MGST2: variants seen among roughly 807,000 people sequenced by gnomAD.
The protein encoded by MGST2 is glutathione peroxidase MGST2.
A neutral mutation model predicts 16.6 loss-of-function variants in MGST2; 9 were observed. The observed-to-expected ratio is 0.54, with a 90% CI of 0.33 to 0.95. The LOEUF (loss-of-function observed/expected upper bound fraction) is 0.95. Among genes scored for constraint, MGST2 ranks in the 40% least tolerant of loss-of-function variants. MGST2 has a pLI of 0.03. For synonymous variants in MGST2, 79 were observed against 68.0 expected (o/e 1.16, Z -0.79); for missense variants, 159 against 175.1 (o/e 0.91, Z 0.52).
intron 3 of MGST2, among the ~76,000 whole-genome samples, chr4:139,699,619 C>T (rs950126184): frequency 2.6e-5 from 4 of 152,158 alleles, no homozygotes; most frequent in African/African-American, 9.7e-5. Context: ...CTGCACAATC[C>T]AATATATTTA....
intron 1 of MGST2, among the ~76,000 whole-genome samples, chr4:139,677,176 A>C (rs7667009): frequency 0.076 from 11,539 of 152,210 alleles, 956 homozygotes; most frequent in African/African-American, 0.21. Context: ...AATATCTGAT[A>C]GGTCTCAACC....
At chr4:139,675,895 G>A (rs1730933511) in intron 1 of MGST2, among the ~76,000 whole-genome samples, 2 of 152,184 alleles carry the variant, frequency 1.3e-5, no homozygotes, top group African/African-American at 4.8e-5. Context: ...TTCCGGAGAT[G>A]TATAGAGGTA....
chr4:139,744,051 T>C (rs529851700), downstream of MGST2, among the ~76,000 whole-genome samples: 7 of 152,358 alleles, frequency 4.6e-5, no homozygotes, highest in South Asian at 1.2e-3. Context: ...CAGAGGTTTC[T>C]TGGGGACACA....
Position 139,721,851 on chromosome 4 carries a change from C to A in MGST2, c.*48+17655C>A, listed in dbSNP as rs529254465. 2.0e-5 allele frequency among the ~76,000 whole-genome samples: 3 copies of A among 152,238 alleles called. No individual in the cohort carries two copies. In the East Asian group the frequency reaches 5.8e-4, roughly 29 times the overall value. On this transcript the variant is annotated intron_variant, in intron 5 of 5. Transcript: ENST00000616265. ...AAACACTGGAAGGTAGTATATACTGCAACTTGTAATATTGTCATGCAGTTT... is the reference window on the plus strand; with the variant it reads ...AAACACTGGAAGGTAGTATATACTGAAACTTGTAATATTGTCATGCAGTTT...
chr4:139,719,301 T>A (rs764015827), intron 5 of MGST2: 2 of 1,541,254 alleles, frequency 1.3e-6, no homozygotes, highest in African/African-American at 2.8e-5. Context: ...ACTCGAGTTG[T>A]GGATCTTGGG....
the MGST2 span, among the ~76,000 whole-genome samples, chr4:139,750,662 A>T: frequency 6.6e-6 from 1 of 152,224 alleles, no homozygotes; most frequent in Non-Finnish European, 1.5e-5. Flanking sequence ...TGATAAAAAT[A>T]TAAATTTAAA....
chr4:139,678,452 G>A, intron 1 of MGST2, 91 bp from the exon 2 acceptor site: 1 of 883,550 alleles, frequency 1.1e-6, no homozygotes. Context: ...TAATAGGTAT[G>A]TAGTACTATC....
At chr4:139,693,502 T>A (rs1454639724) in intron 2 of MGST2, among the ~76,000 whole-genome samples, 3 of 152,062 alleles carry the variant, frequency 2.0e-5, no homozygotes, top group African/African-American at 7.2e-5. Context: ...AACAGGCCTA[T>A]GGATTTAGCC....
At chr4:139,734,393 C>T (rs548563383) in intron 5 of MGST2, among the ~76,000 whole-genome samples, 2 of 152,280 alleles carry the variant, frequency 1.3e-5, no homozygotes, top group African/African-American at 2.4e-5. Flanking sequence ...TTCTCCAATC[C>T]ACTCCTTGCC....
At chr4:139,751,048 G>A in the MGST2 span, among the ~76,000 whole-genome samples, 1 of 152,186 alleles carries the variant, frequency 6.6e-6, no homozygotes, top group African/African-American at 2.4e-5. Context: ...AAGGTCAGTC[G>A]TCCGTCTTCA....
chr4:139,682,256 A>G (rs1246093041), intron 2 of MGST2, among the ~76,000 whole-genome samples: 1 of 146,994 alleles, frequency 6.8e-6, no homozygotes. Context: ...AAAAAAAAAA[A>G]CAAAAACAGA....
At chr4:139,747,759 G>T in the MGST2 span, among the ~76,000 whole-genome samples, 1 of 151,548 alleles carries the variant, frequency 6.6e-6, no homozygotes, top group African/African-American at 2.4e-5. Context: ...AGAGTAATAA[G>T]AATGCATATA....
intron 5 of MGST2, among the ~76,000 whole-genome samples, chr4:139,726,456 T>G (rs1454113342): frequency 6.6e-6 from 1 of 152,194 alleles, no homozygotes; most frequent in African/African-American, 2.4e-5. Flanking sequence ...ACTTGCTGGC[T>G]CATGAGGAAT....
At chr4:139,732,830 T>G (rs1728779953) in intron 5 of MGST2, among the ~76,000 whole-genome samples, 1 of 152,204 alleles carries the variant, frequency 6.6e-6, no homozygotes, top group Non-Finnish European at 1.5e-5. Flanking sequence ...ATAAGTGTAC[T>G]GCGTTCTATT....
chr4:139,668,613 G>GAC (rs759263314), intron 1 of MGST2, among the ~76,000 whole-genome samples: 30 of 143,214 alleles, frequency 2.1e-4, no homozygotes, highest in South Asian at 6.7e-4. Flanking sequence ...GAGAGAGAGA[G>GAC]AGGAGGGGGA....
intron 1 of MGST2, among the ~76,000 whole-genome samples, chr4:139,670,831 T>G (rs2110791526): frequency 6.6e-6 from 1 of 151,822 alleles, no homozygotes; most frequent in Middle Eastern, 3.4e-3. Flanking sequence ...TGAGAATTGC[T>G]TGAGTCCATG....
intron 2 of MGST2, among the ~76,000 whole-genome samples, chr4:139,682,684 A>G (rs1042016310): frequency 3.9e-5 from 6 of 152,164 alleles, no homozygotes; most frequent in African/African-American, 1.4e-4. Context: ...GAGCCTGTAT[A>G]GAGGCATTGG....
intron 5 of MGST2, chr4:139,718,336 G>T (rs1323638059): frequency 6.6e-6 from 1 of 152,192 alleles, no homozygotes; most frequent in African/African-American, 2.4e-5. Context: ...TCTGCCCAAG[G>T]CTCCCTAAAG....
chr4:139,733,830 G>A (rs1266520932), intron 5 of MGST2, among the ~76,000 whole-genome samples: 1 of 152,106 alleles, frequency 6.6e-6, no homozygotes, highest in Non-Finnish European at 1.5e-5. Flanking sequence ...GGGACTACAG[G>A]TTTAAGCCAC....
Sources: allele counts gnomAD v4.1 joint callset (sites outside exome capture counted in the v4.1 genomes callset), GRCh38; gene constraint gnomAD v4.1.1; transcripts MANE v1.5; gene names NCBI Gene and HGNC (gene_info 2026-07-23, HGNC 2026-07-21).